Variants in CHODL observed in about 807,000 individuals in gnomAD.
CHODL encodes the protein transmembrane protein MT75.
CHODL carries 29 observed loss-of-function variants against 34.5 expected under a neutral mutation model. The observed-to-expected ratio is 0.84, with a 90% CI of 0.63 to 1.15. The LOEUF (loss-of-function observed/expected upper bound fraction) is 1.15, where lower values mean the gene tolerates loss of function less well. Ranked by LOEUF, CHODL falls within the 50% of genes most tolerant of loss-of-function variation. CHODL has a pLI of 0.00. For missense variants in CHODL, 332 were observed against 332.5 expected (o/e 1.00, Z 0.01); for synonymous variants, 125 against 116.1 (o/e 1.08, Z -0.49).
chr21:18,007,713 A>T (rs2063973705), intron 1 of CHODL, among the ~76,000 whole-genome samples: 1 of 152,232 alleles, frequency 6.6e-6, no homozygotes, highest in Admixed American at 6.5e-5. Context: ...ACTATGTAAC[A>T]GAGGTTATAT....
At chr21:18,200,962 G>C (rs946390507) in intron 2 of CHODL, among the ~76,000 whole-genome samples, 1 of 152,112 alleles carries the variant, frequency 6.6e-6, no homozygotes, top group African/African-American at 2.4e-5. Flanking sequence ...CCCCAGAACC[G>C]TCAGAAGGAA....
intron 1 of CHODL, among the ~76,000 whole-genome samples, chr21:17,923,562 A>G (rs2063200257): frequency 6.6e-6 from 1 of 151,216 alleles, no homozygotes; most frequent in African/African-American, 2.4e-5. Flanking sequence ...CCTGGGTTCA[A>G]GCAATTCTCC....
chr21:18,107,602 A>G (rs1277768989), intron 2 of CHODL, among the ~76,000 whole-genome samples: 4 of 152,188 alleles, frequency 2.6e-5, no homozygotes, highest in Non-Finnish European at 4.4e-5. Flanking sequence ...TGGGCCTAGT[A>G]TGATCAGGAA....
Position 18,171,198 on chromosome 21 carries a change from G to GTTCTTTTTTTTTTTTTTTTTTTTTT in CHODL, c.-44-85309_-44-85308insCTTTTTTTTTTTTTTTTTTTTTTTT, listed in dbSNP as rs1333481522. Among the ~76,000 whole-genome samples, 25 of 37,066 alleles carry GTTCTTTTTTTTTTTTTTTTTTTTTT rather than the reference G, an allele frequency of 6.7e-4. 12 individuals are homozygous for GTTCTTTTTTTTTTTTTTTTTTTTTT. Among genetic ancestry groups the GTTCTTTTTTTTTTTTTTTTTTTTTT allele is most frequent in the Admixed American group, 2.6e-3 (4 of 1,546 alleles). 24.3% of individuals were successfully genotyped at this position (37,066 alleles called of 152,430 possible). Reference sequence around the variant, plus strand: ...TGTTCTTCAGACATGGTTTTCTTTAGTTTTTTTTTTTTTTTTTTTGAGACG... The same window carrying GTTCTTTTTTTTTTTTTTTTTTTTTT: ...TGTTCTTCAGACATGGTTTTCTTTAGTTCTTTTTTTTTTTTTTTTTTTTTTTTTTTTTTTTTTTTTTTTTGAGACG... On this transcript the variant is annotated intron_variant, in intron 2 of 6. Coordinates refer to the CHODL transcript ENST00000400127.
chr21:18,183,012 A>G (rs1392492421), intron 2 of CHODL, among the ~76,000 whole-genome samples: 1 of 152,228 alleles, frequency 6.6e-6, no homozygotes, highest in Non-Finnish European at 1.5e-5. Context: ...TCATGCAGAA[A>G]AGAAGGAAAT....
At chr21:18,110,433 A>G (rs1270280246) in intron 2 of CHODL, among the ~76,000 whole-genome samples, 1 of 152,138 alleles carries the variant, frequency 6.6e-6, no homozygotes, top group Admixed American at 6.6e-5. Context: ...GCTGGGCCTT[A>G]AGAGACTGCA....
At chr21:18,264,474 C>T (rs1008140692) in intron 5 of CHODL, among the ~76,000 whole-genome samples, 10 of 151,546 alleles carry the variant, frequency 6.6e-5, no homozygotes, top group South Asian at 2.1e-4. Flanking sequence ...TGGTGGCGGG[C>T]GCCGATAATC....
chr21:18,118,846 CTTTTTT>C (rs1317928136), intron 2 of CHODL, among the ~76,000 whole-genome samples: 1 of 152,042 alleles, frequency 6.6e-6, no homozygotes, highest in Admixed American at 6.6e-5. Context: ...CTATAGATTT[CTTTTTT>C]TGTTTGTTTT....
At chr21:18,173,836 G>A (rs756794850) in intron 2 of CHODL, among the ~76,000 whole-genome samples, 3 of 151,584 alleles carry the variant, frequency 2.0e-5, no homozygotes, top group Non-Finnish European at 4.4e-5. Flanking sequence ...CAGGATAAAG[G>A]TATCCCTTTT....
At chr21:18,184,467 C>T (rs1372254451) in intron 2 of CHODL, among the ~76,000 whole-genome samples, 1 of 152,050 alleles carries the variant, frequency 6.6e-6, no homozygotes, top group African/African-American at 2.4e-5. Flanking sequence ...TAGGAATAAG[C>T]ACATTTGGTT....
At chr21:18,196,063 G>A (rs57502590) in intron 2 of CHODL, among the ~76,000 whole-genome samples, 7 of 152,128 alleles carry the variant, frequency 4.6e-5, no homozygotes, top group African/African-American at 1.7e-4. Context: ...TCAGAATTAT[G>A]TCCAAGGTGC....
At chr21:18,196,857 A>G (rs952659502) in intron 2 of CHODL, among the ~76,000 whole-genome samples, 2 of 152,110 alleles carry the variant, frequency 1.3e-5, no homozygotes, top group Non-Finnish European at 2.9e-5. Context: ...AAAGGTTACA[A>G]AGTTTCAGTT....
intron 1 of CHODL, among the ~76,000 whole-genome samples, chr21:17,994,133 TTTC>T (rs1333128186): frequency 1.0e-5 from 1 of 95,408 alleles, no homozygotes; most frequent in Non-Finnish European, 2.1e-5. Context: ...TACTATTTGT[TTTC>T]TTCCTCTAAT....
At chr21:18,250,776 T>C (rs1392272793) in intron 1 of CHODL, among the ~76,000 whole-genome samples, 1 of 151,844 alleles carries the variant, frequency 6.6e-6, no homozygotes, top group East Asian at 1.9e-4. Context: ...GAAAAAAATA[T>C]CTTGTGTGAT....
At chr21:18,235,797 G>T (rs574039629) in intron 2 of CHODL, among the ~76,000 whole-genome samples, 2 of 152,198 alleles carry the variant, frequency 1.3e-5, no homozygotes, top group African/African-American at 2.4e-5. Context: ...AGACAGAAAA[G>T]ACAGACAAAT....
intron 1 of CHODL, among the ~76,000 whole-genome samples, chr21:17,934,882 G>T (rs1052785234): frequency 2.0e-5 from 3 of 152,124 alleles, no homozygotes; most frequent in East Asian, 1.9e-4. Context: ...TCTATTTTGG[G>T]ACTGAGAAGT....
At chr21:18,258,771 C>T (rs966228106) in intron 3 of CHODL, among the ~76,000 whole-genome samples, 4 of 151,862 alleles carry the variant, frequency 2.6e-5, no homozygotes, top group Non-Finnish European at 4.4e-5. Context: ...ATGATTTAAT[C>T]TTTTTTGTCT....
intron 2 of CHODL, among the ~76,000 whole-genome samples, chr21:18,195,010 T>A (rs571154604): frequency 6.6e-6 from 1 of 150,850 alleles, no homozygotes; most frequent in Non-Finnish European, 1.5e-5. Context: ...ATACAATACA[T>A]TGTTATTAAT....
intron 5 of CHODL, among the ~76,000 whole-genome samples, chr21:18,264,307 G>A (rs1023124591): frequency 6.6e-6 from 1 of 152,026 alleles, no homozygotes; most frequent in African/African-American, 2.4e-5. Context: ...CCAGGCAGGA[G>A]ATTATCTTGA....
Sources: gnomAD v4.1 joint callset for allele counts (sites outside exome capture counted in the v4.1 genomes callset) on GRCh38, gnomAD v4.1.1 for gene constraint, MANE v1.5 for transcripts, NCBI Gene and HGNC (gene_info 2026-07-23, HGNC 2026-07-21) for gene names.